Variants in CDH23 observed in about 807,000 individuals in gnomAD.
The protein encoded by CDH23 is cadherin related 23, also known as cadherin-23.
In CDH23, 189 loss-of-function variants were observed where a neutral mutation model predicts 317.1. The observed-to-expected ratio is 0.60, with a 90% confidence interval of 0.53 to 0.67. The LOEUF (loss-of-function observed/expected upper bound fraction) is 0.67. Ranked by LOEUF, CDH23 falls within the 30% of genes least tolerant of loss-of-function variation. The pLI is 0.00. For missense variants in CDH23, 4,401 were observed against 4,592.4 expected, an observed-to-expected ratio of 0.96 and a Z score of 1.20; for synonymous variants, 1,839 against 1,876.8, an observed-to-expected ratio of 0.98 and a Z score of 0.52.
At chr10:71,500,255 A>G (rs1182588654) in intron 3 of CDH23, among the ~76,000 whole-genome samples, 1 of 152,244 alleles carries the variant, frequency 6.6e-6, no homozygotes, top group East Asian at 1.9e-4. Context: ...ATTATTATGT[A>G]TCAATAAAAT....
intron 1 of CDH23, among the ~76,000 whole-genome samples, chr10:71,406,264 G>A (rs1280042817): frequency 2.0e-5 from 3 of 152,184 alleles, no homozygotes; most frequent in Admixed American, 2.0e-4. Context: ...GAAAGCTAAG[G>A]AAGTTGCAGC....
Position 71,803,088 on chromosome 10 carries a change from C to T in CDH23, c.7660+13C>T, listed in dbSNP as rs374011250. On this transcript the variant is annotated intron_variant, in intron 54 of 69. Coordinates refer to ENST00000224721, the MANE Select transcript of CDH23 (RefSeq NM_022124.6). ...GGCCCTGGCGTGGGTATGTGGCCTT[C>T]CTTGGACACCCATGATGTCTTGGGG... is the stretch of plus-strand genomic sequence containing the variant. The T allele has an allele frequency of 1.6e-4, 255 of 1,605,000 alleles. No individual in the cohort carries two copies. In the African/African-American group the frequency reaches 3.2e-3, roughly 20 times the overall value.
rs2132760515 is a variant in CDH23, at chr10:71,712,768, G to A, written c.3324G>A (p.Glu1108=). Reference sequence around the variant, plus strand: ...CCATCTTTCTGCAGAGCAGCTATGAGGCCAGCGTCCCTGAGGACATCCCTG... The same window carrying A: ...CCATCTTTCTGCAGAGCAGCTATGAAGCCAGCGTCCCTGAGGACATCCCTG... The part of the protein sequence containing the change: ...NRPIFLQSSY[E]ASVPEDIPEG... Residue 1108 remains glutamate (E), a synonymous_variant, in exon 28 of 70, where the codon GAG becomes GAA. Coordinates refer to ENST00000224721, the MANE Select transcript of CDH23 (RefSeq NM_022124.6). 1.9e-6 allele frequency: 3 copies of A among 1,613,328 alleles called. No individual in the cohort carries two copies. Among genetic ancestry groups the A allele is most frequent in the Non-Finnish European group, 2.5e-6 (3 of 1,179,746 alleles).
chr10:71,405,610 G>A (rs1213030953), intron 1 of CDH23, among the ~76,000 whole-genome samples: 2 of 152,038 alleles, frequency 1.3e-5, no homozygotes, highest in Non-Finnish European at 2.9e-5. Context: ...GCTAATTTTT[G>A]TATTTTTAGT....
chr10:71,428,628 GC>G (rs1175411825), intron 1 of CDH23, among the ~76,000 whole-genome samples: 15 of 150,926 alleles, frequency 9.9e-5, no homozygotes, highest in Admixed American at 5.9e-4. Flanking sequence ...TCACTCCATT[GC>G]CCAGGCTGGA....
intron 25 of CDH23, among the ~76,000 whole-genome samples, chr10:71,705,970 TTC>T (rs1223691303): frequency 1.3e-5 from 2 of 152,140 alleles, no homozygotes; most frequent in South Asian, 4.1e-4. Context: ...GAGCACAACA[TTC>T]TCTCTCCCAT....
At chr10:71,596,464 C>G (rs1033452151) in intron 9 of CDH23, among the ~76,000 whole-genome samples, 1 of 152,160 alleles carries the variant, frequency 6.6e-6, no homozygotes, top group Non-Finnish European at 1.5e-5. Context: ...GACCCTGCCT[C>G]TACTATTTCC....
chr10:71,504,917 G>C (rs1011274032), intron 3 of CDH23, among the ~76,000 whole-genome samples: 1 of 152,222 alleles, frequency 6.6e-6, no homozygotes, highest in Admixed American at 6.5e-5. Context: ...GGCTGTGTGT[G>C]AGCGTCTCCT....
intron 28 of CDH23, among the ~76,000 whole-genome samples, chr10:71,721,668 A>G (rs1017599861): frequency 6.6e-6 from 1 of 152,106 alleles, no homozygotes; most frequent in Non-Finnish European, 1.5e-5. Flanking sequence ...CCTTAGACAC[A>G]CTTACCGCAG....
chr10:71,795,352 G>T (rs1431052760), intron 48 of CDH23, among the ~76,000 whole-genome samples: 1 of 152,124 alleles, frequency 6.6e-6, no homozygotes, highest in Non-Finnish European at 1.5e-5. Context: ...ACTAGGAGAA[G>T]TTAGATAGAA....
chr10:71,666,053 G>GC (rs1257857373), intron 14 of CDH23, among the ~76,000 whole-genome samples: 1 of 152,136 alleles, frequency 6.6e-6, no homozygotes, highest in African/African-American at 2.4e-5. Context: ...TGGCTGTCCA[G>GC]CCCAAGTCCA....
chr10:71,810,344 C>A, intron 61 of CDH23, 128 bp from the exon 62 acceptor site: 1 of 923,346 alleles, frequency 1.1e-6, no homozygotes, highest in African/African-American at 1.6e-5. Flanking sequence ...CCTCAGCAAA[C>A]ATTCAAACAT....
intron 3 of CDH23, among the ~76,000 whole-genome samples, chr10:71,485,246 C>T (rs10762450): frequency 0.48 from 72,157 of 151,738 alleles, 18,638 homozygotes; most frequent in East Asian, 0.71. Context: ...AGCATGGTCT[C>T]AATCTCCTGA....
intron 6 of CDH23, among the ~76,000 whole-genome samples, chr10:71,515,394 T>TCTCTCTCTCTCTCTCTCTCTCACA (rs1491490493): frequency 1.5e-4 from 4 of 26,624 alleles, no homozygotes; most frequent in African/African-American, 3.4e-4. Context: ...TCTCTCTCTC[T>TCTCTCTCTCTCTCTCTCTCTCACA]CACACACACA....
intron 29 of CDH23, among the ~76,000 whole-genome samples, chr10:71,725,126 G>T (rs572193343): frequency 3.9e-4 from 60 of 152,352 alleles, no homozygotes; most frequent in African/African-American, 1.3e-3. Context: ...CAAGATGAAG[G>T]CTTTCAGGAA....
At chr10:71,737,535 A>G (rs565582576) in intron 34 of CDH23, among the ~76,000 whole-genome samples, 2 of 152,344 alleles carry the variant, frequency 1.3e-5, no homozygotes, top group African/African-American at 2.4e-5. Flanking sequence ...TGCAGCATGC[A>G]CAGGCTTAGC....
At chr10:71,550,561 A>G (rs1856522324) in intron 6 of CDH23, among the ~76,000 whole-genome samples, 1 of 105,414 alleles carries the variant, frequency 9.5e-6, no homozygotes, top group South Asian at 3.9e-4. Context: ...CCCTGTCTCA[A>G]AAAAAAAAAA....
At chr10:71,617,561 A>T in intron 11 of CDH23, 168 bp downstream of exon 11, 2 of 1,461,636 alleles carry the variant, frequency 1.4e-6, no homozygotes, top group South Asian at 1.4e-5. Flanking sequence ...ACTAGTCTCT[A>T]CTTTTGGATT....
intron 28 of CDH23, among the ~76,000 whole-genome samples, chr10:71,720,170 C>T (rs1291572837): frequency 1.3e-5 from 2 of 152,202 alleles, no homozygotes; most frequent in Non-Finnish European, 2.9e-5. Context: ...AGGGAGAGTG[C>T]TGGTCCCTGG....
Sources: allele counts gnomAD v4.1 joint callset (sites outside exome capture counted in the v4.1 genomes callset), GRCh38; gene constraint gnomAD v4.1.1; transcripts MANE v1.5; gene names NCBI Gene and HGNC (gene_info 2026-07-23, HGNC 2026-07-21).